GLUL: variants seen among roughly 807,000 people sequenced by gnomAD.
GLUL encodes the protein glutamine synthetase.
GLUL carries 8 observed loss-of-function variants against 36.9 expected under a neutral mutation model. That is an observed-to-expected ratio of 0.22 (90% confidence interval 0.13 to 0.39). The LOEUF (loss-of-function observed/expected upper bound fraction) is 0.39. GLUL is among the 10% of genes least tolerant of loss of function. GLUL has a pLI of 1.00. For missense variants in GLUL, 315 were observed against 501.8 expected, an observed-to-expected ratio of 0.63 and a Z score of 3.56; for synonymous variants, 182 against 172.8, an observed-to-expected ratio of 1.05 and a Z score of -0.42.
intron 1 of GLUL, chr1:182,391,121 T>C (rs1049244082): frequency 4.3e-5 from 17 of 398,496 alleles, no homozygotes; most frequent in South Asian, 1.3e-4. Context: ...TTCGGTCACA[T>C]TGGAAGGCCC....
chr1:182,387,906 T>G (rs1300533796), intron 2 of GLUL, among the ~76,000 whole-genome samples: 10 of 152,194 alleles, frequency 6.6e-5, no homozygotes. Flanking sequence ...AATATAGGCT[T>G]TGTATTATGA....
At chr1:182,389,453 A>C (rs1222295841) in intron 1 of GLUL, 1 of 152,798 alleles carries the variant, frequency 6.5e-6, no homozygotes, top group African/African-American at 2.4e-5. Flanking sequence ...GATTCAAGCC[A>C]GATTCTAAGG....
At chr1:182,391,440 C>T in intron 1 of GLUL, 1 of 384,554 alleles carries the variant, frequency 2.6e-6, no homozygotes, top group Non-Finnish European at 4.6e-6. Context: ...CCGCCCTTCC[C>T]AGAGCCTGGC....
In GLUL at chr1:182,387,217, G is replaced by A; in HGVS notation, c.242C>T (p.Pro81Leu). 1 of 1,612,080 alleles carries A rather than the reference G, an allele frequency of 6.2e-7. No individual in the cohort carries two copies. The highest frequency in any genetic ancestry group is 8.5e-7 in the Non-Finnish European group (1 of 1,178,190). ...GAAGGGGTCCCGAAACATGGCAGCA[G>A]GCACGAGATACATGTCACTGTTGGA... ...EGSNSDMYLV[P>L]AAMFRDPFRK... The change falls in exon 3 of 7, where the codon CCT becomes CTT. Residue 81 changes from proline to leucine, a missense_variant. Physicochemically the swap from Pro to Leu is moderately conservative, Grantham distance 98. This residue lies in a region of GLUL where 256 missense variants were observed against 396.1 expected (regional missense o/e 0.65). Transcript: ENST00000331872.
intron 6 of GLUL, 39 bp downstream of exon 6, chr1:182,385,318 C>G (rs1339676982): frequency 6.8e-7 from 1 of 1,472,332 alleles, no homozygotes; most frequent in East Asian, 2.3e-5. Context: ...AGTTTTCTGC[C>G]ACAGGAGATT....
At chr1:182,386,222 C>T in intron 4 of GLUL, 34 bp downstream of exon 4, 1 of 1,601,636 alleles carries the variant, frequency 6.2e-7, no homozygotes, top group Non-Finnish European at 8.5e-7. Flanking sequence ...TTAGACACTT[C>T]TGGGAATTTC....
Position 182,390,823 on chromosome 1 carries a change from CGTG to C in GLUL, c.-14+853_-14+855del, listed in dbSNP as rs140356059. On this transcript the variant is annotated intron_variant, in intron 1 of 6. Transcript: ENST00000331872. The stretch of plus-strand genomic sequence containing the variant: ...CATAATTTTCATTCGTTGCTTTCTT[CGTG>C]GACTTGCGGCTGGGGGAGGATCCCC... 8.8e-3 allele frequency: 3,499 copies of C among 399,232 alleles called. 125 individuals are homozygous for C. The highest frequency in any genetic ancestry group is 0.064 in the African/African-American group (3,144 of 48,760). The allele number at this position is 399,232 out of a possible 1,614,324, so 24.7% of individuals were successfully genotyped here.
Position 182,388,430 on chromosome 1 carries a change from G to A in GLUL, c.166+142C>T, listed in dbSNP as rs972967289. ...GCAGTGTAGGAGCTTAATGTTGACT[G>A]AATAAAGTCTGAAAAGCCCTGCCTT... On this transcript the variant is annotated intron_variant, in intron 2 of 6. Transcript: ENST00000331872. 5.3e-6 allele frequency: 4 copies of A among 749,892 alleles called. No individual in the cohort carries two copies. In the African/African-American group the frequency reaches 6.9e-5, roughly 13 times the overall value. The allele number at this position is 749,892 out of a possible 1,614,324, so 46.5% of individuals were successfully genotyped here.
In GLUL at chr1:182,385,525, A is replaced by G; in HGVS notation, c.635T>C (p.Ile212Thr). Residue 212 changes from isoleucine (I) to threonine (T), a missense_variant, in exon 6 of 7, where the codon ATC becomes ACC. Around this residue, in one of 3 missense-constraint regions of GLUL, gnomAD observed 256 missense variants for 396.1 expected, o/e 0.65. Transcript: ENST00000331872. The stretch of plus-strand genomic sequence containing the variant: ...CACCCAGAGATGATCTCCCATGCTG[A>G]TTCCTTCACAAGGTCCAATCTGAAA... ...WEFQIGPCEG[I>T]SMGDHLWVAR... The G allele has an allele frequency of 6.2e-7, 1 of 1,614,104 alleles. No homozygotes were observed. Among genetic ancestry groups the G allele is most frequent in the African/African-American group, 1.3e-5 (1 of 75,024 alleles).
In GLUL at chr1:182,387,286, G is replaced by A. The variant is rs750521238; in HGVS notation, c.173C>T (p.Pro58Leu). ...ACTAGAGCCATCGAAATTCCACTCAGGCAACTCTGGGGCAAAAAGAGGGAA... is the reference window on the plus strand; with the variant it reads ...ACTAGAGCCATCGAAATTCCACTCAAGCAACTCTGGGGCAAAAAGAGGGAA... ...DSEPKCVEEL[P>L]EWNFDGSSTL... Residue 58 changes from proline (P) to leucine (L), a missense_variant, in exon 3 of 7, where the codon CCT becomes CTT. Physicochemically the swap from Pro to Leu is moderately conservative, Grantham distance 98. Around this residue, in one of 3 missense-constraint regions of GLUL, gnomAD observed 256 missense variants for 396.1 expected, o/e 0.65. Coordinates refer to ENST00000331872, the MANE Select transcript of GLUL (RefSeq NM_001033044.4). 6.2e-7 allele frequency: 1 copy of A among 1,612,238 alleles called. No homozygotes were observed. Among genetic ancestry groups the A allele is most frequent in the South Asian group, 1.1e-5 (1 of 91,034 alleles).
At chr1:182,384,771 G>A (rs1417271334) in intron 6 of GLUL, 48 bp from the exon 7 acceptor site, 2 of 1,443,782 alleles carry the variant, frequency 1.4e-6, no homozygotes, top group Non-Finnish European at 2.0e-6. Context: ...TCCAGGTATG[G>A]AGCCAAGAAT....
chr1:182,383,903 G>C lies in GLUL; in HGVS notation c.*502C>G, dbSNP rs1650046479. 3 of 183,784 alleles carry C rather than the reference G, an allele frequency of 1.6e-5. No individual in the cohort carries two copies. The South Asian group carries it at 3.2e-4, about 20-fold the overall frequency. 11.4% of individuals were successfully genotyped at this position (183,784 alleles called of 1,614,324 possible). A position where few individuals can be genotyped will look rare whatever the true frequency, so the allele number is the denominator to read the frequency against. Reference sequence around the variant, plus strand: ...CTAGTCCCACAAGCAAGAGACCAAAGCCATTCTCTCTGATTCCCAACCCCT... The same window carrying C: ...CTAGTCCCACAAGCAAGAGACCAAACCCATTCTCTCTGATTCCCAACCCCT... On this transcript the variant is annotated 3_prime_UTR_variant, in exon 7 of 7. Transcript: ENST00000331872.
At chr1:182,390,842 G>A (rs1292564380) in intron 1 of GLUL, 2 of 399,114 alleles carry the variant, frequency 5.0e-6, no homozygotes, top group Non-Finnish European at 8.8e-6. Context: ...GCGGCTGGGG[G>A]AGGATCCCCG....
intron 1 of GLUL, chr1:182,389,982 C>T (rs1159299168): frequency 1.3e-5 from 2 of 152,316 alleles, no homozygotes; most frequent in Non-Finnish European, 1.5e-5. Context: ...AAAGCTACAA[C>T]CCACCGAAGC....
chr1:182,387,262 C>T lies in GLUL; in HGVS notation c.197G>A (p.Ser66Asn). 6.2e-7 allele frequency: 1 copy of T among 1,613,508 alleles called. No homozygotes were observed. The highest frequency in any genetic ancestry group is 8.5e-7 in the Non-Finnish European group (1 of 1,179,450). Residue 66 changes from serine (S) to asparagine (N), a missense_variant, in exon 3 of 7, where the codon AGT (serine) becomes AAT (asparagine). Ser to Asn is a conservative substitution (Grantham distance 46, BLOSUM62 1). Coordinates refer to ENST00000331872, the MANE Select transcript of GLUL (RefSeq NM_001033044.4). ...ELPEWNFDGS[S>N]TLQSEGSNSD... ...GTTGGAACCCTCAGACTGTAAAGTA[C>T]TAGAGCCATCGAAATTCCACTCAGG...
chr1:182,385,695 T>A, intron 5 of GLUL, 65 bp downstream of exon 5: 1 of 1,594,538 alleles, frequency 6.3e-7, no homozygotes, highest in Non-Finnish European at 8.6e-7. Context: ...CAGCAGCCCT[T>A]ACTAGCAAAA....
chr1:182,390,398 C>T (rs1650358671), intron 1 of GLUL: 1 of 398,090 alleles, frequency 2.5e-6, no homozygotes, highest in South Asian at 1.4e-4. Flanking sequence ...GCTGCTGCTG[C>T]GGTGCCAAGT....
At chr1:182,391,202 A>C (rs923929127) in intron 1 of GLUL, 2 of 398,438 alleles carry the variant, frequency 5.0e-6, no homozygotes, top group African/African-American at 4.1e-5. Flanking sequence ...GAGGCGTCTC[A>C]ACCATCGCCA....
intron 1 of GLUL, chr1:182,389,445 T>C (rs997079462): frequency 6.5e-6 from 1 of 152,758 alleles, no homozygotes; most frequent in African/African-American, 2.4e-5. Flanking sequence ...CAAAAGCTGA[T>C]TCAAGCCAGA....
Sources: allele counts gnomAD v4.1 joint callset (sites outside exome capture counted in the v4.1 genomes callset), GRCh38; gene constraint gnomAD v4.1.1; regional missense constraint gnomAD v4.1.1; transcripts MANE v1.5; gene names NCBI Gene and HGNC (gene_info 2026-07-23, HGNC 2026-07-21).